LRRIQ1: variants seen among roughly 807,000 people sequenced by gnomAD.
LRRIQ1 encodes the protein leucine-rich repeat- and IQ domain-containing protein 1.
Under a neutral mutation model 211.9 loss-of-function variants are expected in LRRIQ1, and 210 were observed. The ratio of observed to expected loss-of-function variants is 0.99; its 90% CI spans 0.89 to 1.11. LRRIQ1 has a LOEUF of 1.11. LRRIQ1 is among the 50% of genes most tolerant of loss of function. LRRIQ1 has a pLI of 0.00. For missense variants in LRRIQ1, 2,136 were observed against 1,939.5 expected, an observed-to-expected ratio of 1.10 and a Z score of -1.90; for synonymous variants, 699 against 650.1, an observed-to-expected ratio of 1.08 and a Z score of -1.14.
chr12:85,237,464 T>C (rs894749703), intron 26 of LRRIQ1, among the ~76,000 whole-genome samples: 1 of 152,094 alleles, frequency 6.6e-6, no homozygotes, highest in Non-Finnish European at 1.5e-5. Flanking sequence ...ATTGGTATAG[T>C]GGTTTCCTTA....
intron 24 of LRRIQ1, among the ~76,000 whole-genome samples, chr12:85,180,969 T>C (rs1891953022): frequency 6.6e-6 from 1 of 152,000 alleles, no homozygotes; most frequent in African/African-American, 2.4e-5. Context: ...ACGATGTAGA[T>C]TCTGATAAAT....
chr12:85,161,856 C>T (rs943386449), intron 24 of LRRIQ1, among the ~76,000 whole-genome samples: 23 of 151,842 alleles, frequency 1.5e-4, no homozygotes, highest in Non-Finnish European at 2.9e-4. Flanking sequence ...CTGGCTAACA[C>T]GGTGAAACCC....
intron 10 of LRRIQ1, among the ~76,000 whole-genome samples, chr12:85,070,165 G>A (rs546850147): frequency 1.4e-4 from 21 of 152,048 alleles, no homozygotes; most frequent in African/African-American, 4.8e-4. Context: ...CTGCTTTGGC[G>A]GGAATTCTTC....
chr12:85,245,163 C>T, downstream of LRRIQ1: 1 of 572,664 alleles, frequency 1.7e-6, no homozygotes, highest in Non-Finnish European at 2.6e-6. Flanking sequence ...GCCCCCCACA[C>T]CCTGTGAATC....
downstream of LRRIQ1, among the ~76,000 whole-genome samples, chr12:85,249,690 G>A (rs1339896734): frequency 6.6e-6 from 1 of 151,848 alleles, no homozygotes; most frequent in African/African-American, 2.4e-5. Flanking sequence ...TATATCATGT[G>A]TTCCTATCAG....
At chr12:85,247,091 G>A (rs192536661), downstream of LRRIQ1, among the ~76,000 whole-genome samples, 46 of 151,498 alleles carry the variant, frequency 3.0e-4, no homozygotes, top group Admixed American at 3.0e-3. Context: ...GCATCTTTTG[G>A]GCTAAAGTAT....
At chr12:85,206,697 C>T (rs771831437) in intron 24 of LRRIQ1, among the ~76,000 whole-genome samples, 3 of 151,838 alleles carry the variant, frequency 2.0e-5, no homozygotes, top group South Asian at 2.1e-4. Flanking sequence ...TGGAGGTCTC[C>T]GACAATCAGG....
intron 26 of LRRIQ1, among the ~76,000 whole-genome samples, chr12:85,242,387 A>C (rs983071115): frequency 6.5e-4 from 99 of 152,104 alleles, no homozygotes; most frequent in African/African-American, 2.3e-3. Flanking sequence ...CTATTTATGT[A>C]GCATTTACAT....
At position 85,154,054 on chromosome 12, in the gene LRRIQ1, G is replaced by A. The variant is rs763682558; in HGVS notation, c.4680G>A (p.Arg1560=). 14 of 1,567,088 alleles carry A rather than the reference G, an allele frequency of 8.9e-6. No individual in the cohort carries two copies. In the Middle Eastern group the frequency reaches 5.5e-4, roughly 62 times the overall value. The part of the protein sequence containing the change: ...DISTAQQMLK[R]AQKMKSKKLK... The stretch of plus-strand genomic sequence containing the variant: ...CTACTGCTCAGCAAATGTTGAAGAG[G>A]GCACAGAAAATGAAATCGAAGAAAC... The change falls in exon 23 of 27, where the codon AGG becomes AGA. Residue 1560 remains arginine, a synonymous_variant. Transcript: ENST00000393217.
At chr12:85,205,450 G>T (rs765438941) in intron 24 of LRRIQ1, among the ~76,000 whole-genome samples, 6 of 152,118 alleles carry the variant, frequency 3.9e-5, no homozygotes, top group Non-Finnish European at 8.8e-5. Context: ...GGCTTGTAGG[G>T]TTTCTCCTGA....
chr12:85,065,383 A>C lies in LRRIQ1; in HGVS notation c.2513A>C (p.Asn838Thr). The change falls in exon 9 of 27, where the codon AAT (asparagine) becomes ACT (threonine). Residue 838 changes from asparagine to threonine, a missense_variant. By Grantham distance (65) the Asn-to-Thr change is moderately conservative. Coordinates refer to ENST00000393217, the MANE Select transcript of LRRIQ1 (RefSeq NM_001079910.2). ...CGLTSLHSLS[N>T]CKKLKYIDAQ... is the part of the protein sequence containing the mutation. ...TTAACTTCTTTGCACAGCCTGAGTA[A>C]TTGTAAAAAACTTAAGTACATTGAT... The C allele has an allele frequency of 1.9e-6, 3 of 1,609,850 alleles. No homozygotes were observed. The highest frequency in any genetic ancestry group is 2.5e-6 in the Non-Finnish European group (3 of 1,177,378).
At chr12:85,211,501 C>A (rs1893835809) in intron 24 of LRRIQ1, among the ~76,000 whole-genome samples, 1 of 152,084 alleles carries the variant, frequency 6.6e-6, no homozygotes, top group Non-Finnish European at 1.5e-5. Context: ...CAAGCCTTAT[C>A]CCTAAAAACA....
intron 6 of LRRIQ1, chr12:85,048,558 C>CAAAAAAAAAAAAAA (rs35906760): frequency 1.8e-3 from 142 of 77,880 alleles, no homozygotes; most frequent in African/African-American, 6.9e-3. Flanking sequence ...GACTCCGTCT[C>CAAAAAAAAAAAAAA]AAAAAAAAAA....
At chr12:85,074,785 A>G (rs576974808) in intron 11 of LRRIQ1, among the ~76,000 whole-genome samples, 1 of 152,240 alleles carries the variant, frequency 6.6e-6, no homozygotes, top group Non-Finnish European at 1.5e-5. Flanking sequence ...ATGTTGCCAC[A>G]TGATTGTTAA....
At position 85,066,796 on chromosome 12, in the gene LRRIQ1, G is replaced by A; in HGVS notation, c.2593G>A (p.Val865Ile). ...IECENLENLC[V>I]VLLNKNQLTS... ...GTGTGAAAATTTGGAAAATCTCTGT[G>A]TTGTTCTTCTTAATAAAAATCAACT... The change falls in exon 10 of 27, where the codon GTT becomes ATT. Residue 865 changes from valine to isoleucine, a missense_variant. Physicochemically the swap from Val to Ile is conservative, Grantham distance 29. Transcript: ENST00000393217. 6.2e-7 allele frequency: 1 copy of A among 1,600,998 alleles called. No individual in the cohort carries two copies. The highest frequency in any genetic ancestry group is 8.5e-7 in the Non-Finnish European group (1 of 1,173,640).
Position 85,056,416 on chromosome 12 carries a change from G to T in LRRIQ1, c.1623G>T (p.Met541Ile). The T allele has an allele frequency of 6.3e-7, 1 of 1,588,414 alleles. No homozygotes were observed. The highest frequency in any genetic ancestry group is 8.5e-7 in the Non-Finnish European group (1 of 1,173,394). The change falls in exon 8 of 27, where the codon ATG (methionine) becomes ATT (isoleucine). Residue 541 changes from methionine to isoleucine, a missense_variant. Physicochemically the swap from Met to Ile is conservative, Grantham distance 10. Coordinates refer to ENST00000393217, the MANE Select transcript of LRRIQ1 (RefSeq NM_001079910.2). ...KSDAQKEEKI[M>I]KHVINENTGQ... ...ATGCACAAAAAGAAGAAAAAATCAT[G>T]AAACATGTCATAAATGAGAATACAG...
At chr12:85,104,745 C>A (rs1172855383) in intron 14 of LRRIQ1, among the ~76,000 whole-genome samples, 1 of 151,814 alleles carries the variant, frequency 6.6e-6, no homozygotes, top group Non-Finnish European at 1.5e-5. Context: ...ATACAAAGTT[C>A]CTATGGTTCT....
intron 24 of LRRIQ1, among the ~76,000 whole-genome samples, chr12:85,192,898 A>G (rs1312626894): frequency 3.1e-5 from 3 of 97,978 alleles, no homozygotes; most frequent in Non-Finnish European, 5.3e-5. Context: ...ATAGTTATAT[A>G]CTATAATTAT....
chr12:85,267,171 G>T (rs1896437904), downstream of LRRIQ1, among the ~76,000 whole-genome samples: 1 of 152,068 alleles, frequency 6.6e-6, no homozygotes, highest in Non-Finnish European at 1.5e-5. Flanking sequence ...ACCCCCAAAG[G>T]ATAGATCTAG....
Sources: gnomAD v4.1 joint callset for allele counts (sites outside exome capture counted in the v4.1 genomes callset) on GRCh38, gnomAD v4.1.1 for gene constraint, MANE v1.5 for transcripts, NCBI Gene and HGNC (gene_info 2026-07-23, HGNC 2026-07-21) for gene names.